Variants in UNC79 observed in about 807,000 individuals in gnomAD.
UNC79 encodes unc-79 subunit of NALCN channel complex, also known as protein unc-79 homolog.
A neutral mutation model predicts 283.1 loss-of-function variants in UNC79; 37 were observed. That is an observed-to-expected ratio of 0.13 (90% CI 0.10 to 0.17). The LOEUF is 0.17. Among genes scored for constraint, UNC79 ranks in the 10% least tolerant of loss-of-function variants. The probability of loss-of-function intolerance (pLI) is 1.00; values close to 1 mark genes in which losing one functional copy is unlikely to be tolerated. For missense variants in UNC79, 2,272 were observed against 3,211.1 expected, an observed-to-expected ratio of 0.71 and a Z score of 7.07; for synonymous variants, 1,107 against 1,200.2, an observed-to-expected ratio of 0.92 and a Z score of 1.61.
chr14:93,349,409 A>G (rs892124501), intron 1 of UNC79, among the ~76,000 whole-genome samples: 18 of 152,172 alleles, frequency 1.2e-4, no homozygotes, highest in Non-Finnish European at 2.4e-4. Flanking sequence ...TTTATCCCCT[A>G]GCATGTAATA....
At chr14:93,496,350 T>C (rs2059012737) in intron 5 of UNC79, 61 bp from the exon 6 acceptor site, 1 of 1,131,622 alleles carries the variant, frequency 8.8e-7, no homozygotes, top group Non-Finnish European at 1.3e-6. Context: ...TATATGTATA[T>C]CAAAGGATGT....
chr14:93,570,215 A>AT (rs1251472717), intron 14 of UNC79, among the ~76,000 whole-genome samples: 1 of 152,138 alleles, frequency 6.6e-6, no homozygotes, highest in Non-Finnish European at 1.5e-5. Context: ...TAGAACAGTT[A>AT]TTTTTTTAAT....
At chr14:93,363,485 G>A (rs892437662) in intron 1 of UNC79, among the ~76,000 whole-genome samples, 1 of 152,124 alleles carries the variant, frequency 6.6e-6, no homozygotes, top group Non-Finnish European at 1.5e-5. Context: ...GGTCCGTTTG[G>A]TCAAGTGTTG....
At chr14:93,399,295 A>G (rs1007874442) in intron 1 of UNC79, among the ~76,000 whole-genome samples, 3 of 152,270 alleles carry the variant, frequency 2.0e-5, no homozygotes, top group South Asian at 2.1e-4. Context: ...CAGCCAAACC[A>G]TATCACATGG....
At chr14:93,665,544 T>C (rs2072096921) in intron 40 of UNC79, among the ~76,000 whole-genome samples, 1 of 152,016 alleles carries the variant, frequency 6.6e-6, no homozygotes, top group Non-Finnish European at 1.5e-5. Flanking sequence ...GCCCTGAAAG[T>C]ATTATAAATA....
intron 20 of UNC79, among the ~76,000 whole-genome samples, chr14:93,584,910 C>T (rs537917536): frequency 3.3e-4 from 50 of 151,670 alleles, no homozygotes; most frequent in South Asian, 6.3e-4. Flanking sequence ...TTAGCTAGGC[C>T]GGTCTCGAAC....
chr14:93,464,519 G>A (rs2057082795), intron 1 of UNC79: 1 of 455,942 alleles, frequency 2.2e-6, no homozygotes, highest in African/African-American at 2.0e-5. Flanking sequence ...CTTATCTCTG[G>A]GTACAGTCAC....
chr14:93,590,371 A>G (rs767245686), intron 22 of UNC79, among the ~76,000 whole-genome samples: 1 of 152,128 alleles, frequency 6.6e-6, no homozygotes, highest in African/African-American at 2.4e-5. Flanking sequence ...AAGGGCAGAC[A>G]TGGCTGACCT....
At chr14:93,587,359 A>G (rs149544174) in intron 22 of UNC79, among the ~76,000 whole-genome samples, 1 of 152,328 alleles carries the variant, frequency 6.6e-6, no homozygotes, top group East Asian at 1.9e-4. Context: ...AAATTATAAT[A>G]AAACGTTACC....
rs577448864 is a variant in UNC79 at position 93,421,706 on chromosome 14, A to G, written c.-350-45965A>G. Among the ~76,000 whole-genome samples the G allele has an allele frequency of 2.2e-4, 33 of 151,680 alleles. 1 individual carries two copies. The highest frequency in any genetic ancestry group is 3.5e-4 in the Non-Finnish European group (24 of 67,810). ...ATGAATATTGATGCAAAAATCCTCA[A>G]CAAAATACTAGCAAACCAAATTTAA... On this transcript the variant is annotated intron_variant, in intron 1 of 49. Transcript: ENST00000256339.
At chr14:93,381,712 C>T (rs2054668735) in intron 1 of UNC79, among the ~76,000 whole-genome samples, 1 of 152,156 alleles carries the variant, frequency 6.6e-6, no homozygotes. Flanking sequence ...GAGAACATTC[C>T]AGAAGAGATA....
At chr14:93,472,674 T>G (rs1019255393) in intron 2 of UNC79, among the ~76,000 whole-genome samples, 1 of 152,082 alleles carries the variant, frequency 6.6e-6, no homozygotes, top group Non-Finnish European at 1.5e-5. Context: ...GAGCAAATAA[T>G]AAAAATAAAT....
chr14:93,583,707 C>A (rs886932824), intron 20 of UNC79, among the ~76,000 whole-genome samples: 1 of 152,102 alleles, frequency 6.6e-6, no homozygotes, highest in Non-Finnish European at 1.5e-5. Flanking sequence ...TGGGGCAACC[C>A]CTGGGGGGAA....
Position 93,618,183 on chromosome 14 carries a change from A to G in UNC79, c.4225-9A>G. 1 of 1,602,638 alleles carries G rather than the reference A, an allele frequency of 6.2e-7. No homozygotes were observed. Among genetic ancestry groups the G allele is most frequent in the East Asian group, 2.2e-5 (1 of 44,648 alleles). ...CATTTATCTTTTTCTCTCTCGTTTC[A>G]TTGGGCAGTATCCATACCGAGACTG... On this transcript the variant is annotated splice_polypyrimidine_tract_variant and intron_variant, in intron 28 of 48. Coordinates refer to ENST00000555664, the Ensembl canonical transcript of UNC79.
chr14:93,586,498 A>G, intron 20 of UNC79, 98 bp from the exon 21 acceptor site: 1 of 1,150,192 alleles, frequency 8.7e-7, no homozygotes, highest in African/African-American at 1.6e-5. Context: ...ATATATGTCA[A>G]TTTTTTACTC....
chr14:93,412,486 T>C (rs1420187555), intron 1 of UNC79, among the ~76,000 whole-genome samples: 2 of 73,428 alleles, frequency 2.7e-5, no homozygotes, highest in African/African-American at 1.2e-4. Context: ...TCAAGGCATT[T>C]AATATCAAAC....
At chr14:93,519,104 A>G (rs1346906877) in intron 7 of UNC79, among the ~76,000 whole-genome samples, 1 of 151,836 alleles carries the variant, frequency 6.6e-6, no homozygotes, top group Non-Finnish European at 1.5e-5. Context: ...TTGTTTTATC[A>G]GTTACTGAGA....
rs533120954 is a variant in UNC79, at chr14:93,451,810, G to A, written c.23-15861G>A. Reference sequence around the variant, plus strand: ...TAGTTGGTTCTTGGCTTTGGAATCAGTTGGTTCTTAGCACTGCTGCTGGCC... The same window carrying A: ...TAGTTGGTTCTTGGCTTTGGAATCAATTGGTTCTTAGCACTGCTGCTGGCC... On this transcript the variant is annotated intron_variant, in intron 1 of 48. Coordinates refer to ENST00000555664, the Ensembl canonical transcript of UNC79. Among the ~76,000 whole-genome samples, 11 of 152,252 alleles carry A rather than the reference G, an allele frequency of 7.2e-5. No homozygotes were observed. The East Asian group carries it at 1.9e-3, about 27-fold the overall frequency.
At chr14:93,529,242 A>G in intron 9 of UNC79, 44 bp from the exon 10 acceptor site, 1 of 1,607,700 alleles carries the variant, frequency 6.2e-7, no homozygotes, top group Non-Finnish European at 8.5e-7. Context: ...TGGAAGGAGA[A>G]CATTTCAATG....
Sources: allele counts gnomAD v4.1 joint callset (sites outside exome capture counted in the v4.1 genomes callset), GRCh38; gene constraint gnomAD v4.1.1; transcripts MANE v1.5; gene names NCBI Gene and HGNC (gene_info 2026-07-23, HGNC 2026-07-21).